POC1B: variants seen among roughly 807,000 people sequenced by gnomAD.
The protein encoded by POC1B is POC1 centriolar protein B.
In POC1B, 44 loss-of-function variants were observed where a neutral mutation model predicts 60.6. The observed-to-expected ratio is 0.73, with a 90% CI of 0.57 to 0.93. The LOEUF (loss-of-function observed/expected upper bound fraction) is 0.93. Ranked by LOEUF, POC1B falls within the 40% of genes least tolerant of loss-of-function variation. The pLI is 0.00. For synonymous variants in POC1B, 180 were observed against 198.9 expected (o/e 0.90, Z 0.80); for missense variants, 555 against 572.3 (o/e 0.97, Z 0.31).
chr12:89,439,433 C>T (rs1881419702), intron 10 of POC1B, among the ~76,000 whole-genome samples: 1 of 152,140 alleles, frequency 6.6e-6, no homozygotes, highest in Admixed American at 6.5e-5. Context: ...CAGCACTTCT[C>T]AAACTTTAAT....
At chr12:89,477,620 T>G (rs1489385954) in intron 4 of POC1B, among the ~76,000 whole-genome samples, 1 of 152,140 alleles carries the variant, frequency 6.6e-6, no homozygotes, top group African/African-American at 2.4e-5. Context: ...GATTCTTCTT[T>G]CTCTTCTACT....
At chr12:89,431,939 T>C (rs901704320) in intron 10 of POC1B, among the ~76,000 whole-genome samples, 4 of 152,212 alleles carry the variant, frequency 2.6e-5, no homozygotes, top group African/African-American at 9.6e-5. Flanking sequence ...CTAGAGGCTG[T>C]CCACATTCCT....
downstream of POC1B, among the ~76,000 whole-genome samples, chr12:89,414,871 A>G (rs961038045): frequency 6.6e-6 from 1 of 152,214 alleles, no homozygotes; most frequent in African/African-American, 2.4e-5. Flanking sequence ...AGTTTGCTCT[A>G]CATATAAATG....
At chr12:89,523,735 T>C (rs756703916) in intron 2 of POC1B, 1 of 1,547,684 alleles carries the variant, frequency 6.5e-7, no homozygotes, top group South Asian at 1.3e-5. Context: ...AATCATGGGC[T>C]CCCCTATCTG....
intron 2 of POC1B, among the ~76,000 whole-genome samples, chr12:89,514,722 A>G (rs2135762510): frequency 6.6e-6 from 1 of 151,858 alleles, no homozygotes; most frequent in African/African-American, 2.4e-5. Context: ...GTATTTCTTT[A>G]TTGCAGTAGG....
intron 10 of POC1B, among the ~76,000 whole-genome samples, chr12:89,440,371 C>A (rs1881460205): frequency 6.6e-6 from 1 of 152,230 alleles, no homozygotes; most frequent in African/African-American, 2.4e-5. Flanking sequence ...GCACCAAATT[C>A]TCTTATGCCA....
intron 10 of POC1B, among the ~76,000 whole-genome samples, chr12:89,438,045 C>T (rs1343132460): frequency 6.3e-5 from 9 of 142,524 alleles, no homozygotes; most frequent in African/African-American, 2.4e-4. Context: ...AGTGAGAAAC[C>T]GTCTCAAAAA....
chr12:89,477,726 A>T (rs1883175989), intron 4 of POC1B, among the ~76,000 whole-genome samples: 1 of 152,112 alleles, frequency 6.6e-6, no homozygotes, highest in African/African-American at 2.4e-5. Context: ...GTGATCTTTA[A>T]ATCTTAAATC....
chr12:89,524,487 G>C (rs1024492272), intron 2 of POC1B: 13 of 1,613,168 alleles, frequency 8.1e-6, no homozygotes, highest in Admixed American at 1.7e-5. Flanking sequence ...CGAAGATATA[G>C]GCCACTGTTA....
At chr12:89,489,177 T>TA (rs1868809043) in intron 4 of POC1B, among the ~76,000 whole-genome samples, 1 of 152,252 alleles carries the variant, frequency 6.6e-6, no homozygotes, top group Admixed American at 6.5e-5. Context: ...CTAAGAATTA[T>TA]ATACTGACTA....
At chr12:89,503,136 C>G (rs1424107848) in intron 2 of POC1B, among the ~76,000 whole-genome samples, 1 of 152,176 alleles carries the variant, frequency 6.6e-6, no homozygotes, top group Admixed American at 6.5e-5. Flanking sequence ...CCCTCTCCCT[C>G]TCTTTCCACA....
intron 10 of POC1B, among the ~76,000 whole-genome samples, chr12:89,457,854 A>G (rs182958958): frequency 3.6e-4 from 55 of 152,324 alleles, no homozygotes; most frequent in Admixed American, 2.8e-3. Flanking sequence ...CTGTCTTCTC[A>G]AAGTCCCACA....
At chr12:89,524,913 G>A in intron 2 of POC1B, 1 of 778,458 alleles carries the variant, frequency 1.3e-6, no homozygotes, top group Non-Finnish European at 2.0e-6. Context: ...TGGATAGGAG[G>A]CTCTTGGCCG....
intron 6 of POC1B, among the ~76,000 whole-genome samples, chr12:89,471,201 A>T (rs1882877071): frequency 6.6e-6 from 1 of 152,220 alleles, no homozygotes; most frequent in South Asian, 2.1e-4. Context: ...ATATAAACCA[A>T]GAAAATTCAC....
intron 10 of POC1B, among the ~76,000 whole-genome samples, chr12:89,437,398 G>A (rs1221955570): frequency 6.6e-6 from 1 of 152,018 alleles, no homozygotes; most frequent in Non-Finnish European, 1.5e-5. Flanking sequence ...CTCATGCAAT[G>A]CTGAGGCAAA....
At chr12:89,461,736 G>T (rs1447640536) in intron 9 of POC1B, 1 of 152,186 alleles carries the variant, frequency 6.6e-6, no homozygotes, top group Non-Finnish European at 1.5e-5. Context: ...AAGGAATAAA[G>T]CTGTGCATGG....
At chr12:89,523,982 T>C in intron 2 of POC1B, 2 of 1,613,914 alleles carry the variant, frequency 1.2e-6, no homozygotes, top group South Asian at 1.1e-5. Context: ...AGATTGCTGA[T>C]GTAAGTTTCA....
intron 10 of POC1B, among the ~76,000 whole-genome samples, chr12:89,457,169 A>G (rs570263315): frequency 6.6e-6 from 1 of 152,316 alleles, no homozygotes; most frequent in East Asian, 1.9e-4. Context: ...ACACAAAAAT[A>G]TTGAATGCAA....
At chr12:89,419,069 C>T (rs1266009587), downstream of POC1B, among the ~76,000 whole-genome samples, 4 of 151,790 alleles carry the variant, frequency 2.6e-5, no homozygotes, top group East Asian at 3.9e-4. Flanking sequence ...GAGGATTCCA[C>T]GTCTTCAGCT....
Sources: gnomAD v4.1 joint callset for allele counts (sites outside exome capture counted in the v4.1 genomes callset) on GRCh38, gnomAD v4.1.1 for gene constraint, MANE v1.5 for transcripts, NCBI Gene and HGNC (gene_info 2026-07-23, HGNC 2026-07-21) for gene names.